The following MYO6 variants were observed in gnomAD, a reference collection of about 807,000 sequenced individuals.
The protein encoded by MYO6 is myosin VI.
MYO6 carries 74 observed loss-of-function variants against 178.7 expected under a neutral mutation model. The observed-to-expected ratio is 0.41, with a 90% CI of 0.34 to 0.50. The LOEUF is 0.50. Among genes scored for constraint, MYO6 ranks in the 20% least tolerant of loss-of-function variants. The pLI is 0.09. For missense variants in MYO6, 1,330 were observed against 1,547.4 expected (o/e 0.86, Z 2.36); for synonymous variants, 477 against 504.6 (o/e 0.95, Z 0.73).
intron 9 of MYO6, among the ~76,000 whole-genome samples, chr6:75,843,482 G>A (rs1239492719): frequency 6.6e-6 from 1 of 152,074 alleles, no homozygotes; most frequent in Non-Finnish European, 1.5e-5. Flanking sequence ...ATAGATGGCC[G>A]GGATAGTGTT....
chr6:75,893,266 G>T (rs893620001), intron 28 of MYO6, among the ~76,000 whole-genome samples: 2 of 152,048 alleles, frequency 1.3e-5, no homozygotes, highest in African/African-American at 2.4e-5. Context: ...ATAGTGGAGT[G>T]TATAGGAATG....
chr6:75,878,535 T>G (rs1272528380), intron 20 of MYO6, among the ~76,000 whole-genome samples: 1 of 152,242 alleles, frequency 6.6e-6, no homozygotes, highest in Non-Finnish European at 1.5e-5. Flanking sequence ...GTTGTTATCT[T>G]ATACCTTTGC....
chr6:75,770,053 G>A (rs1315210592), intron 1 of MYO6, among the ~76,000 whole-genome samples: 3 of 152,168 alleles, frequency 2.0e-5, no homozygotes, highest in African/African-American at 7.2e-5. Context: ...CTCTGTGGGG[G>A]CTCAGACCCC....
chr6:75,772,554 A>G (rs946167924), intron 1 of MYO6, among the ~76,000 whole-genome samples: 1 of 152,344 alleles, frequency 6.6e-6, no homozygotes. Context: ...GACTAAAACC[A>G]GTTCAGACAG....
intron 3 of MYO6, among the ~76,000 whole-genome samples, chr6:75,827,577 A>G (rs1772615909): frequency 6.6e-6 from 1 of 152,144 alleles, no homozygotes; most frequent in Admixed American, 6.6e-5. Flanking sequence ...TAGAGAGGAG[A>G]GAGACTGAGG....
At chr6:75,863,646 C>T (rs1027037569) in intron 16 of MYO6, among the ~76,000 whole-genome samples, 8 of 151,974 alleles carry the variant, frequency 5.3e-5, no homozygotes, top group Admixed American at 2.0e-4. Context: ...CCACCACGCC[C>T]GGCTAATTTT....
At chr6:75,902,333 C>T (rs1256337389) in intron 30 of MYO6, among the ~76,000 whole-genome samples, 3 of 152,160 alleles carry the variant, frequency 2.0e-5, no homozygotes, top group African/African-American at 7.2e-5. Flanking sequence ...TGGTAGAATT[C>T]GGCTGTGAAT....
At chr6:75,810,538 C>T (rs921773714) in intron 1 of MYO6, among the ~76,000 whole-genome samples, 2 of 152,140 alleles carry the variant, frequency 1.3e-5, no homozygotes, top group African/African-American at 4.8e-5. Flanking sequence ...CATGTCTGAC[C>T]TCCCTTCCTG....
intron 23 of MYO6, among the ~76,000 whole-genome samples, chr6:75,882,423 GA>G (rs1778114264): frequency 1.3e-5 from 2 of 151,970 alleles, no homozygotes; most frequent in Non-Finnish European, 2.9e-5. Context: ...TAAATTATTT[GA>G]TGTCTTTCAA....
Position 75,917,069 on chromosome 6 carries a change from A to G in MYO6, c.*2057A>G, listed in dbSNP as rs1781160816. On this transcript the variant is annotated 3_prime_UTR_variant, in exon 35 of 35. Coordinates refer to ENST00000369977, the MANE Select transcript of MYO6 (RefSeq NM_004999.4). ...AGTAACCTACGTACAGTAGATGCAC[A>G]TACACACAGACACCCCTTTGCTGGA... 1 of 152,364 alleles carries G rather than the reference A, an allele frequency of 6.6e-6. No individual in the cohort carries two copies. The highest frequency in any genetic ancestry group is 2.1e-4 in the South Asian group (1 of 4,828). 9.4% of individuals were successfully genotyped at this position (152,364 alleles called of 1,614,324 possible).
Position 75,879,961 on chromosome 6 carries a change from C to T in MYO6, c.2208+11C>T. 3 of 1,613,990 alleles carry T rather than the reference C, an allele frequency of 1.9e-6. No individual in the cohort carries two copies. Among genetic ancestry groups the T allele is most frequent in the East Asian group, 4.5e-5 (2 of 44,858 alleles). On this transcript the variant is annotated intron_variant, in intron 21 of 34. Transcript: ENST00000369977. Reference sequence around the variant, plus strand: ...AGACTATTTTGTAAGGTATAAATGCCACCCAAATTGAAATTTCTTAGCTAT... The same window carrying T: ...AGACTATTTTGTAAGGTATAAATGCTACCCAAATTGAAATTTCTTAGCTAT...
At chr6:75,796,599 C>T (rs1235914935) in intron 1 of MYO6, among the ~76,000 whole-genome samples, 1 of 149,520 alleles carries the variant, frequency 6.7e-6, no homozygotes, top group Non-Finnish European at 1.5e-5. Flanking sequence ...TCTGCCCCCT[C>T]TAGTAGTCCC....
chr6:75,812,801 A>G (rs1770825463), intron 1 of MYO6, among the ~76,000 whole-genome samples: 1 of 152,136 alleles, frequency 6.6e-6, no homozygotes, highest in Admixed American at 6.6e-5. Flanking sequence ...ATGGCTGAAT[A>G]ATACTCCACT....
chr6:75,899,743 T>C (rs940198553), intron 30 of MYO6, among the ~76,000 whole-genome samples: 1 of 150,520 alleles, frequency 6.6e-6, no homozygotes, highest in African/African-American at 2.5e-5. Flanking sequence ...TTTAAAAAAA[T>C]TATTATTATA....
chr6:75,898,226 A>G, intron 29 of MYO6, 147 bp from the exon 30 acceptor site: 1 of 544,168 alleles, frequency 1.8e-6, no homozygotes, highest in East Asian at 3.4e-5. Context: ...TGAATAGTAT[A>G]TTCTAGGCAT....
At position 75,767,218 on chromosome 6, in the gene MYO6, G is replaced by A. The variant is rs568407925; in HGVS notation, c.-48+17795G>A. ...TATTTTGTATTTTTAGTAGAGACGA[G>A]TTTTACCATGTTGACTAGGCTGGTC... On this transcript the variant is annotated intron_variant, in intron 1 of 34. Transcript: ENST00000369977. Among the ~76,000 whole-genome samples, 9 of 152,092 alleles carry A rather than the reference G, an allele frequency of 5.9e-5. No homozygotes were observed. The South Asian group carries it at 1.9e-3, about 32-fold the overall frequency.
chr6:75,806,387 CAAA>C (rs35917621), intron 1 of MYO6, among the ~76,000 whole-genome samples: 4 of 123,838 alleles, frequency 3.2e-5, no homozygotes, highest in African/African-American at 8.8e-5. Context: ...GACTCTGTCT[CAAA>C]AAAAAAAAAA....
intron 18 of MYO6, among the ~76,000 whole-genome samples, chr6:75,870,207 A>G (rs897333174): frequency 1.1e-4 from 17 of 152,190 alleles, no homozygotes; most frequent in Non-Finnish European, 1.9e-4. Context: ...ATCCTAATAT[A>G]TACTATTAGT....
At position 75,892,526 on chromosome 6, in the gene MYO6, T is replaced by C. The variant is rs1452085150; in HGVS notation, c.2947-4T>C. 24 of 1,613,888 alleles carry C rather than the reference T, an allele frequency of 1.5e-5. No homozygotes were observed. Among genetic ancestry groups the C allele is most frequent in the Non-Finnish European group, 2.0e-5 (24 of 1,180,036 alleles). On this transcript the variant is annotated splice_region_variant and splice_polypyrimidine_tract_variant and intron_variant, in intron 27 of 34. Coordinates refer to ENST00000369977, the MANE Select transcript of MYO6 (RefSeq NM_004999.4). ...TTGGTGAAATAGCTTTCTGCCCTTG[T>C]CAGGCTGAAGTGGAGGCACAGCTGG...
Sources: gnomAD v4.1 joint callset for allele counts (sites outside exome capture counted in the v4.1 genomes callset) on GRCh38, gnomAD v4.1.1 for gene constraint, MANE v1.5 for transcripts, NCBI Gene and HGNC (gene_info 2026-07-23, HGNC 2026-07-21) for gene names.